CRLF3: variants seen among roughly 807,000 people sequenced by gnomAD.
CRLF3 encodes the protein cytokine receptor like factor 3, also known as cytokine receptor-like factor 3.
Under a neutral mutation model 55.0 loss-of-function variants are expected in CRLF3, and 33 were observed. The observed-to-expected ratio is 0.60, with a 90% CI of 0.46 to 0.80. The LOEUF is 0.80. Ranked by LOEUF, CRLF3 falls within the 30% of genes least tolerant of loss-of-function variation. The pLI, the probability that CRLF3 is intolerant of heterozygous loss-of-function variation, is 0.00. For synonymous variants in CRLF3, 238 were observed against 196.8 expected (o/e 1.21, Z -1.75); for missense variants, 494 against 538.4 (o/e 0.92, Z 0.82).
chr17:30,814,721 GC>G (rs1168409094), intron 1 of CRLF3, among the ~76,000 whole-genome samples: 1 of 151,510 alleles, frequency 6.6e-6, no homozygotes, highest in African/African-American at 2.4e-5. Context: ...AAACAAAATT[GC>G]CGGGCATGGT....
At chr17:30,810,099 A>T (rs1904566518) in intron 1 of CRLF3, 1 of 152,246 alleles carries the variant, frequency 6.6e-6, no homozygotes, top group South Asian at 2.1e-4. Context: ...CTACCTAGTC[A>T]TTCAAGGCAA....
chr17:30,808,497 A>G (rs1398678043), intron 1 of CRLF3, among the ~76,000 whole-genome samples: 3 of 151,836 alleles, frequency 2.0e-5, no homozygotes, highest in South Asian at 2.1e-4. Flanking sequence ...CATATTGGTC[A>G]GGCTGGTCTC....
At chr17:30,792,293 C>A in intron 6 of CRLF3, 147 bp downstream of exon 6, 1 of 622,316 alleles carries the variant, frequency 1.6e-6, no homozygotes, top group Admixed American at 2.8e-5. Flanking sequence ...AAAACTACAG[C>A]TACAGGAAAT....
chr17:30,787,934 C>A lies in CRLF3; in HGVS notation c.960-1903G>T, dbSNP rs551583899. ...AGGGTCACTTGAACCTGTGAGATGG[C>A]GATTGCAGTGAGCTGAGATCATGCC... On this transcript the variant is annotated intron_variant, in intron 6 of 7. Transcript: ENST00000324238. Among the ~76,000 whole-genome samples the A allele has an allele frequency of 2.1e-3, 311 of 149,562 alleles. 1 individual carries two copies. Among genetic ancestry groups the A allele is most frequent in the African/African-American group, 7.3e-3 (298 of 40,632 alleles).
chr17:30,808,338 A>G, intron 1 of CRLF3, among the ~76,000 whole-genome samples: 1 of 127,080 alleles, frequency 7.9e-6, no homozygotes, highest in Non-Finnish European at 1.5e-5. Context: ...CCCAGGCTGC[A>G]GTGCAATGGA....
At position 30,804,031 on chromosome 17, in the gene CRLF3, G is replaced by A; in HGVS notation, c.207C>T (p.Leu69=). ...AAAGGGTCACCAATCGCTCATCCAGGAGCTTTCCAAGGGTTCCCTTTAAAT... is the reference window on the plus strand; with the variant it reads ...AAAGGGTCACCAATCGCTCATCCAGAAGCTTTCCAAGGGTTCCCTTTAAAT... ...FNDLKGTLGK[L]LDERLVTLLQ... The change falls in exon 2 of 8, where the codon CTC becomes CTT. Residue 69 remains leucine, a synonymous_variant. Coordinates refer to ENST00000324238, the MANE Select transcript of CRLF3 (RefSeq NM_015986.4). 1 of 1,613,672 alleles carries A rather than the reference G, an allele frequency of 6.2e-7. No homozygotes were observed.
At chr17:30,815,411 G>A (rs565625899) in intron 1 of CRLF3, among the ~76,000 whole-genome samples, 78 of 151,642 alleles carry the variant, frequency 5.1e-4, no homozygotes, top group African/African-American at 1.8e-3. Flanking sequence ...TAGTAGAGAT[G>A]GGGTTTCACC....
At chr17:30,808,275 A>ATTTTTTTTTTTTTTTTTTTTTTTTTT (rs1465392242) in intron 1 of CRLF3, among the ~76,000 whole-genome samples, 1 of 103,432 alleles carries the variant, frequency 9.7e-6, no homozygotes, top group Admixed American at 1.1e-4. Context: ...CCTAGAACCT[A>ATTTTTTTTTTTTTTTTTTTTTTTTTT]TATTTTTTTT....
Position 30,824,660 on chromosome 17 carries a change from G to C in CRLF3, c.-9C>G. On this transcript the variant is annotated 5_prime_UTR_variant, in exon 1 of 8. Transcript: ENST00000324238. ...TCCATCGCCCCCCTCATCTGGCCGCGCGGCCGGCGAAACCTAGCGCGGGTT... is the reference window on the plus strand; with the variant it reads ...TCCATCGCCCCCCTCATCTGGCCGCCCGGCCGGCGAAACCTAGCGCGGGTT... 1 of 1,586,524 alleles carries C rather than the reference G, an allele frequency of 6.3e-7. No individual in the cohort carries two copies. The highest frequency in any genetic ancestry group is 1.4e-5 in the African/African-American group (1 of 72,824).
At chr17:30,787,875 C>T (rs376487818) in intron 6 of CRLF3, among the ~76,000 whole-genome samples, 1 of 152,180 alleles carries the variant, frequency 6.6e-6, no homozygotes, top group South Asian at 2.1e-4. Flanking sequence ...GTAGTGGCTC[C>T]TGTAATCCTA....
chr17:30,802,471 C>G (rs1412109479), intron 2 of CRLF3, among the ~76,000 whole-genome samples: 2 of 151,648 alleles, frequency 1.3e-5, no homozygotes, highest in Non-Finnish European at 2.9e-5. Context: ...TACTCTGTCA[C>G]CCAGGCTGGA....
chr17:30,802,653 C>G (rs1010188571), intron 2 of CRLF3, among the ~76,000 whole-genome samples: 1 of 145,896 alleles, frequency 6.9e-6, no homozygotes, highest in African/African-American at 2.5e-5. Flanking sequence ...AAACTCCTGA[C>G]CTCAAGTGAT....
intron 1 of CRLF3, among the ~76,000 whole-genome samples, chr17:30,808,145 A>G (rs1179797950): frequency 6.6e-6 from 1 of 152,098 alleles, no homozygotes; most frequent in African/African-American, 2.4e-5. Context: ...AAAAGAACCA[A>G]AGAGAGAATA....
At position 30,795,283 on chromosome 17, in the gene CRLF3, C is replaced by T. The variant is rs1597920123; in HGVS notation, c.603+877G>A. Reference sequence around the variant, plus strand: ...ATCACCTGAGGTCGGGAGTTTGAGACCAACCTGACCAACATGGAGAAACTC... The same window carrying T: ...ATCACCTGAGGTCGGGAGTTTGAGATCAACCTGACCAACATGGAGAAACTC... On this transcript the variant is annotated intron_variant, in intron 4 of 7. Coordinates refer to ENST00000324238, the MANE Select transcript of CRLF3 (RefSeq NM_015986.4). Among the ~76,000 whole-genome samples, 3 of 138,282 alleles carry T rather than the reference C, an allele frequency of 2.2e-5. No individual in the cohort carries two copies. The South Asian group carries it at 7.0e-4, about 32-fold the overall frequency. The allele number at this position is 138,282 out of a possible 152,430, so 90.7% of individuals were successfully genotyped here. A position where few individuals can be genotyped will look rare whatever the true frequency, so the allele number is the denominator to read the frequency against.
chr17:30,809,446 C>T (rs1247953803), intron 1 of CRLF3: 1 of 152,180 alleles, frequency 6.6e-6, no homozygotes, highest in Non-Finnish European at 1.5e-5. Context: ...AATGCAGCTC[C>T]ACTGCTGAGT....
chr17:30,821,112 A>G (rs1301841736), intron 1 of CRLF3, among the ~76,000 whole-genome samples: 1 of 151,234 alleles, frequency 6.6e-6, no homozygotes, highest in Non-Finnish European at 1.5e-5. Context: ...ACACTTTGGG[A>G]GGCCAAAGTG....
Position 30,783,833 on chromosome 17 carries a change from G to T in CRLF3, c.*354C>A. 5.3e-6 allele frequency: 1 copy of T among 187,050 alleles called. No individual in the cohort carries two copies. The highest frequency in any genetic ancestry group is 1.1e-5 in the Non-Finnish European group (1 of 89,416). 11.6% of individuals were successfully genotyped at this position (187,050 alleles called of 1,614,324 possible). A position where few individuals can be genotyped will look rare whatever the true frequency, so the allele number is the denominator to read the frequency against. On this transcript the variant is annotated 3_prime_UTR_variant, in exon 8 of 8. Transcript: ENST00000324238. ...AGTTACATGGACTTGGATCCTTTAA[G>T]ATGATTTTAAAAATAATATTACATT... is the stretch of plus-strand genomic sequence containing the variant.
In CRLF3 at chr17:30,785,907, T is replaced by C. The variant is rs752553988; in HGVS notation, c.1072+12A>G. 22 of 1,378,980 alleles carry C rather than the reference T, an allele frequency of 1.6e-5. No homozygotes were observed. Among genetic ancestry groups the C allele is most frequent in the African/African-American group, 4.3e-5 (3 of 70,068 alleles). 85.4% of individuals were successfully genotyped at this position (1,378,980 alleles called of 1,614,324 possible). ...TATATTTCCAAGAGAATGACAGTTATTTATCTCTTACCATTTGTACTAATG... is the reference window on the plus strand; with the variant it reads ...TATATTTCCAAGAGAATGACAGTTACTTATCTCTTACCATTTGTACTAATG... On this transcript the variant is annotated intron_variant, in intron 7 of 7. Coordinates refer to ENST00000324238, the MANE Select transcript of CRLF3 (RefSeq NM_015986.4).
At chr17:30,784,697 A>T (rs9893422) in intron 7 of CRLF3, 3 of 377,056 alleles carry the variant, frequency 8.0e-6, no homozygotes, top group South Asian at 1.0e-4. Flanking sequence ...TAGCAAGACT[A>T]TTTCTTATGG....
Sources: gnomAD v4.1 joint callset for allele counts (sites outside exome capture counted in the v4.1 genomes callset) on GRCh38, gnomAD v4.1.1 for gene constraint, MANE v1.5 for transcripts, NCBI Gene and HGNC (gene_info 2026-07-23, HGNC 2026-07-21) for gene names.